The following PDE4D variants were observed in gnomAD, a reference collection of about 807,000 sequenced individuals.
PDE4D encodes phosphodiesterase 4D, also known as 3',5'-cyclic-AMP phosphodiesterase 4D.
Under a neutral mutation model 87.4 loss-of-function variants are expected in PDE4D, and 24 were observed. The observed-to-expected ratio is 0.27, with a 90% CI of 0.20 to 0.39. PDE4D has a LOEUF of 0.39. Ranked by LOEUF, PDE4D falls within the 10% of genes least tolerant of loss-of-function variation. The pLI is 1.00. For synonymous variants in PDE4D, 384 were observed against 383.2 expected, an observed-to-expected ratio of 1.00 and a Z score of -0.02; for missense variants, 714 against 1,041.0, an observed-to-expected ratio of 0.69 and a Z score of 4.32.
chr5:59,741,627 G>A (rs1758851215), intron 1 of PDE4D, among the ~76,000 whole-genome samples: 1 of 152,138 alleles, frequency 6.6e-6, no homozygotes, highest in Admixed American at 6.5e-5. Flanking sequence ...CATAGGATAT[G>A]AAGAACTTTT....
At chr5:60,222,570 G>A (rs572262042) in intron 1 of PDE4D, among the ~76,000 whole-genome samples, 41 of 152,098 alleles carry the variant, frequency 2.7e-4, no homozygotes, top group Non-Finnish European at 4.9e-4. Context: ...GATACTGAAC[G>A]TTTTCCGAGT....
At chr5:59,658,967 C>T (rs1744810812) in intron 1 of PDE4D, among the ~76,000 whole-genome samples, 1 of 152,088 alleles carries the variant, frequency 6.6e-6, no homozygotes, top group South Asian at 2.1e-4. Context: ...TGCACCACTG[C>T]ACTCCAGTCT....
chr5:59,354,737 GATC>G (rs1439511903), intron 1 of PDE4D, among the ~76,000 whole-genome samples: 31 of 152,176 alleles, frequency 2.0e-4, no homozygotes, highest in Admixed American at 1.2e-3. Flanking sequence ...TGATAGATAT[GATC>G]ATATCAAGTT....
At chr5:60,097,250 T>C (rs1038057902) in intron 2 of PDE4D, among the ~76,000 whole-genome samples, 1 of 151,662 alleles carries the variant, frequency 6.6e-6, no homozygotes, top group African/African-American at 2.4e-5. Flanking sequence ...ATACTGCTCA[T>C]TGGATGCTAT....
chr5:59,631,237 G>T (rs1448320882), intron 1 of PDE4D, among the ~76,000 whole-genome samples: 11 of 152,046 alleles, frequency 7.2e-5, no homozygotes, highest in African/African-American at 2.2e-4. Context: ...TGCTTAAATG[G>T]TTTAGGTGAG....
intron 5 of PDE4D, among the ~76,000 whole-genome samples, chr5:59,143,840 GA>G (rs1778245685): frequency 6.6e-6 from 1 of 152,172 alleles, no homozygotes. Context: ...CTAGAACTTG[GA>G]ACCAATAATA....
At chr5:60,442,139 G>A (rs927839083) in intron 1 of PDE4D, among the ~76,000 whole-genome samples, 24 of 152,098 alleles carry the variant, frequency 1.6e-4, no homozygotes, top group African/African-American at 4.6e-4. Flanking sequence ...ACACATGCAC[G>A]CGTATGTTTA....
upstream of PDE4D, chr5:60,491,193 C>T (rs184582798): frequency 6.6e-6 from 1 of 152,092 alleles, no homozygotes; most frequent in Admixed American, 6.5e-5. Context: ...TTTAAAATGT[C>T]AGCAAGAAGG....
chr5:59,354,503 T>C (rs908071882), intron 1 of PDE4D, among the ~76,000 whole-genome samples: 1 of 152,200 alleles, frequency 6.6e-6, no homozygotes, highest in African/African-American at 2.4e-5. Context: ...GTGTGGTGTG[T>C]ATATGTGTCT....
intron 1 of PDE4D, chr5:60,460,310 G>C (rs1746824121): frequency 4.9e-6 from 5 of 1,013,190 alleles, no homozygotes; most frequent in Non-Finnish European, 7.8e-6. Context: ...TCAAAGTAAA[G>C]ATTTTCATCA....
At chr5:59,439,074 TG>T (rs1386848070) in intron 1 of PDE4D, among the ~76,000 whole-genome samples, 1 of 152,078 alleles carries the variant, frequency 6.6e-6, no homozygotes, top group Non-Finnish European at 1.5e-5. Flanking sequence ...ATGAATATGT[TG>T]GGGCTGGGTG....
At chr5:58,992,121 A>G in intron 7 of PDE4D, 117 bp from the exon 8 acceptor site, 3 of 683,348 alleles carry the variant, frequency 4.4e-6, no homozygotes, top group Non-Finnish European at 6.4e-6. Flanking sequence ...GTTTCCAACT[A>G]AAAAGTTTCC....
At chr5:60,251,504 C>A (rs1489362049) in intron 1 of PDE4D, among the ~76,000 whole-genome samples, 1 of 151,944 alleles carries the variant, frequency 6.6e-6, no homozygotes, top group Non-Finnish European at 1.5e-5. Flanking sequence ...ATAATGGCTT[C>A]CAGCTCCATC....
chr5:60,103,577 T>G (rs773260800), intron 2 of PDE4D, among the ~76,000 whole-genome samples: 18 of 152,196 alleles, frequency 1.2e-4, no homozygotes, highest in Non-Finnish European at 1.9e-4. Context: ...ATACATGTAG[T>G]GACCTGTTGG....
chr5:59,144,898 G>T (rs867007267), intron 5 of PDE4D, among the ~76,000 whole-genome samples: 8 of 143,548 alleles, frequency 5.6e-5, no homozygotes, highest in East Asian at 2.2e-4. Context: ...AATGGGGGGG[G>T]GGGGGGGAAC....
At chr5:59,931,878 A>T (rs6883293) in intron 3 of PDE4D, among the ~76,000 whole-genome samples, 12,699 of 151,494 alleles carry the variant, frequency 0.084, 1,752 homozygotes, top group African/African-American at 0.29. Flanking sequence ...ATTTTTTGTG[A>T]TTTTAGCAGA....
At chr5:59,934,781 G>A (rs1228396845) in intron 3 of PDE4D, among the ~76,000 whole-genome samples, 2 of 152,098 alleles carry the variant, frequency 1.3e-5, no homozygotes, top group East Asian at 1.9e-4. Context: ...AGATTGGTAC[G>A]AGATCTTTAG....
intron 1 of PDE4D, among the ~76,000 whole-genome samples, chr5:59,662,016 T>C (rs1006481244): frequency 1.1e-4 from 17 of 152,184 alleles, no homozygotes; most frequent in Admixed American, 1.0e-3. Flanking sequence ...ACAAACTTGC[T>C]TGGGCTAATG....
chr5:59,737,817 C>T (rs1758287623), intron 1 of PDE4D, among the ~76,000 whole-genome samples: 1 of 151,850 alleles, frequency 6.6e-6, no homozygotes, highest in Non-Finnish European at 1.5e-5. Flanking sequence ...TATATGAATC[C>T]ATATAGTTAT....
Sources: gnomAD v4.1 joint callset for allele counts (sites outside exome capture counted in the v4.1 genomes callset) on GRCh38, gnomAD v4.1.1 for gene constraint, MANE v1.5 for transcripts, NCBI Gene and HGNC (gene_info 2026-07-23, HGNC 2026-07-21) for gene names.